The following RANBP2 variants were observed in gnomAD, a reference collection of about 807,000 sequenced individuals.
RANBP2 encodes the protein RAN binding protein 2, also known as E3 SUMO-protein ligase RanBP2.
In RANBP2, 57 loss-of-function variants were observed where a neutral mutation model predicts 303.6. That is an observed-to-expected ratio of 0.19 (90% CI 0.15 to 0.23). The LOEUF (loss-of-function observed/expected upper bound fraction) is 0.23. Among genes scored for constraint, RANBP2 ranks in the 10% least tolerant of loss-of-function variants. The pLI, the probability that RANBP2 is intolerant of heterozygous loss-of-function variation, is 1.00. For synonymous variants in RANBP2, 1,167 were observed against 1,301.5 expected (o/e 0.90, Z 2.23); for missense variants, 3,138 against 3,780.8 (o/e 0.83, Z 4.46).
the RANBP2 span, among the ~76,000 whole-genome samples, chr2:109,476,662 G>A: frequency 6.6e-6 from 1 of 152,182 alleles, no homozygotes; most frequent in African/African-American, 2.4e-5. Flanking sequence ...GAGGGTTCTT[G>A]GATCTCCCGC....
the RANBP2 span, among the ~76,000 whole-genome samples, chr2:109,496,990 G>A: frequency 0.26 from 38,796 of 152,034 alleles, 5,298 homozygotes; most frequent in East Asian, 0.5. Context: ...GATGAAGGCA[G>A]CTTCTAGCAA....
the RANBP2 span, among the ~76,000 whole-genome samples, chr2:109,589,290 T>C: frequency 6.6e-6 from 1 of 152,072 alleles, no homozygotes; most frequent in South Asian, 2.1e-4. Flanking sequence ...CTCAGCACTT[T>C]AGGAGGCCAA....
chr2:109,357,482 A>G, the RANBP2 span, among the ~76,000 whole-genome samples: 15 of 152,328 alleles, frequency 9.8e-5, no homozygotes, highest in East Asian at 2.7e-3. Context: ...CACCCGGCCA[A>G]CAGAATATAT....
the RANBP2 span, among the ~76,000 whole-genome samples, chr2:108,800,083 C>G: frequency 1.2e-4 from 18 of 152,112 alleles, no homozygotes; most frequent in East Asian, 3.9e-4. Flanking sequence ...AGATAGGGAT[C>G]TGTTGATTAT....
At chr2:108,904,182 GAA>G in the RANBP2 span, among the ~76,000 whole-genome samples, 2 of 151,952 alleles carry the variant, frequency 1.3e-5, no homozygotes, top group African/African-American at 4.8e-5. Flanking sequence ...TCATTTTACT[GAA>G]GAGGACACAC....
At chr2:109,499,534 C>T in the RANBP2 span, among the ~76,000 whole-genome samples, 1 of 152,202 alleles carries the variant, frequency 6.6e-6, no homozygotes, top group Non-Finnish European at 1.5e-5. Flanking sequence ...GGCAAGCATG[C>T]CCCTGTGGAG....
At chr2:108,770,300 A>G (rs1039362501) in intron 20 of RANBP2, among the ~76,000 whole-genome samples, 5 of 152,240 alleles carry the variant, frequency 3.3e-5, no homozygotes, top group Admixed American at 6.5e-5. Context: ...TGGAACAAGA[A>G]TCTGTATCTT....
At chr2:109,375,699 C>T in the RANBP2 span, among the ~76,000 whole-genome samples, 1 of 152,252 alleles carries the variant, frequency 6.6e-6, no homozygotes, top group South Asian at 2.1e-4. Context: ...GAGTTCTGCC[C>T]TCTCTGTGGC....
At chr2:109,778,483 GC>G in the RANBP2 span, among the ~76,000 whole-genome samples, 1 of 149,906 alleles carries the variant, frequency 6.7e-6, no homozygotes, top group Non-Finnish European at 1.5e-5. Flanking sequence ...AGGTTTAGTA[GC>G]CAGGCATTGG....
At chr2:109,249,508 TCATTC>T in the RANBP2 span, among the ~76,000 whole-genome samples, 1 of 53,548 alleles carries the variant, frequency 1.9e-5, no homozygotes, top group Non-Finnish European at 3.7e-5. Flanking sequence ...TTTCTTTCTT[TCATTC>T]TTTCTTTTTC....
chr2:108,886,630 T>A, the RANBP2 span, among the ~76,000 whole-genome samples: 1 of 152,076 alleles, frequency 6.6e-6, no homozygotes, highest in Non-Finnish European at 1.5e-5. Flanking sequence ...GCCAGGATGG[T>A]CTCCATCTCC....
chr2:109,400,573 GCGCACA>G, the RANBP2 span, among the ~76,000 whole-genome samples: 1 of 144,324 alleles, frequency 6.9e-6, no homozygotes, highest in African/African-American at 2.9e-5. Flanking sequence ...ACACACCTGT[GCGCACA>G]CACACACACA....
At chr2:109,509,304 CCACG>C in the RANBP2 span, among the ~76,000 whole-genome samples, 1 of 152,174 alleles carries the variant, frequency 6.6e-6, no homozygotes, top group African/African-American at 2.4e-5. Context: ...GTGTGCAAAC[CCACG>C]TGCCTGTATC....
At chr2:109,535,656 T>C in the RANBP2 span, among the ~76,000 whole-genome samples, 6 of 152,158 alleles carry the variant, frequency 3.9e-5, no homozygotes, top group Non-Finnish European at 1.5e-5. Context: ...CTGGCCCTTA[T>C]GTGATGCTGC....
At chr2:109,615,971 G>T in the RANBP2 span, 987 of 1,574,304 alleles carry the variant, frequency 6.3e-4, 8 homozygotes, top group Middle Eastern at 1.4e-3. Context: ...CAGAGCAGCC[G>T]CTGGAGGGCA....
At chr2:109,111,663 G>T in the RANBP2 span, among the ~76,000 whole-genome samples, 1 of 148,206 alleles carries the variant, frequency 6.7e-6, no homozygotes, top group African/African-American at 2.5e-5. Context: ...TTAAGTTTTA[G>T]GGTACATGTG....
the RANBP2 span, among the ~76,000 whole-genome samples, chr2:109,728,457 AT>A: frequency 6.6e-6 from 1 of 151,128 alleles, no homozygotes; most frequent in African/African-American, 2.4e-5. Flanking sequence ...TAAAAAATTT[AT>A]TTTTTTTTAT....
chr2:109,191,444 A>G, the RANBP2 span, among the ~76,000 whole-genome samples: 1 of 152,122 alleles, frequency 6.6e-6, no homozygotes, highest in Admixed American at 6.5e-5. Flanking sequence ...TTATAAATCA[A>G]TGTGTTTGGG....
chr2:109,541,955 A>G, the RANBP2 span, among the ~76,000 whole-genome samples: 2 of 152,212 alleles, frequency 1.3e-5, no homozygotes, highest in African/African-American at 4.8e-5. Flanking sequence ...TATAGTGATA[A>G]TAATCCCTGT....
Sources: gnomAD v4.1 joint callset for allele counts (sites outside exome capture counted in the v4.1 genomes callset) on GRCh38, gnomAD v4.1.1 for gene constraint, MANE v1.5 for transcripts, NCBI Gene and HGNC (gene_info 2026-07-23, HGNC 2026-07-21) for gene names.